The following NRXN1 variants were observed in gnomAD, a reference collection of about 807,000 sequenced individuals.
The protein encoded by NRXN1 is neurexin-1.
NRXN1 carries 39 observed loss-of-function variants against 150.9 expected under a neutral mutation model. The ratio of observed to expected loss-of-function variants is 0.26; its 90% CI spans 0.20 to 0.34. The LOEUF is 0.34. Ranked by LOEUF, NRXN1 falls within the 10% of genes least tolerant of loss-of-function variation. The pLI is 1.00. For missense variants in NRXN1, 1,815 were observed against 1,949.9 expected (o/e 0.93, Z 1.30); for synonymous variants, 924 against 757.0 (o/e 1.22, Z -3.62).
chr2:50,400,881 T>C (rs2082347513), intron 17 of NRXN1, among the ~76,000 whole-genome samples: 2 of 152,280 alleles, frequency 1.3e-5, no homozygotes, highest in African/African-American at 4.8e-5. Context: ...GGGCATGTTG[T>C]GATGATATTT....
intron 17 of NRXN1, among the ~76,000 whole-genome samples, chr2:50,444,398 C>T (rs1326873125): frequency 6.6e-6 from 1 of 152,126 alleles, no homozygotes; most frequent in African/African-American, 2.4e-5. Flanking sequence ...CAGTAAATTA[C>T]AGCACCCACA....
intron 5 of NRXN1, among the ~76,000 whole-genome samples, chr2:50,746,361 C>T (rs1301650841): frequency 6.6e-6 from 1 of 151,968 alleles, no homozygotes; most frequent in Non-Finnish European, 1.5e-5. Flanking sequence ...AGTTTGAGAC[C>T]AGCCTGGGCA....
chr2:50,149,218 T>C (rs2152769826), intron 18 of NRXN1, among the ~76,000 whole-genome samples: 1 of 151,782 alleles, frequency 6.6e-6, no homozygotes, highest in Non-Finnish European at 1.5e-5. Flanking sequence ...CTTTATGGAA[T>C]CCATTTTATA....
chr2:50,448,360 T>G (rs2086646680), intron 17 of NRXN1, among the ~76,000 whole-genome samples: 1 of 152,006 alleles, frequency 6.6e-6, no homozygotes, highest in Non-Finnish European at 1.5e-5. Flanking sequence ...CAAACCTGAC[T>G]CCATTGTATT....
chr2:50,022,473 C>G (rs748789937), intron 21 of NRXN1, among the ~76,000 whole-genome samples: 1 of 152,250 alleles, frequency 6.6e-6, no homozygotes. Context: ...AATCAAGAAT[C>G]TTTTCTTCCC....
chr2:50,623,981 G>A (rs1222408444), intron 5 of NRXN1, among the ~76,000 whole-genome samples: 1 of 151,706 alleles, frequency 6.6e-6, no homozygotes, highest in East Asian at 1.9e-4. Context: ...TCCCCTTCCT[G>A]TGTTCATGTG....
At chr2:50,408,657 G>A (rs369158487) in intron 17 of NRXN1, among the ~76,000 whole-genome samples, 6 of 152,226 alleles carry the variant, frequency 3.9e-5, no homozygotes, top group Admixed American at 3.3e-4. Flanking sequence ...TTGTGTGTAT[G>A]TGTGTGTGTA....
intron 21 of NRXN1, among the ~76,000 whole-genome samples, chr2:49,980,746 T>C (rs577937346): frequency 6.6e-6 from 1 of 152,228 alleles, no homozygotes; most frequent in East Asian, 1.9e-4. Flanking sequence ...TTAGAAACCA[T>C]GAATGTGCAG....
chr2:50,793,898 G>C (rs1300728669), intron 5 of NRXN1, among the ~76,000 whole-genome samples: 2 of 152,022 alleles, frequency 1.3e-5, no homozygotes, highest in Admixed American at 1.3e-4. Flanking sequence ...ATTTCAATGA[G>C]AGACAGCAAT....
intron 17 of NRXN1, among the ~76,000 whole-genome samples, chr2:50,259,731 C>T (rs987095388): frequency 7.9e-5 from 12 of 151,780 alleles, no homozygotes; most frequent in African/African-American, 1.7e-4. Flanking sequence ...CAGTGTTCCC[C>T]TTTTTTCCAA....
chr2:51,027,979 C>T lies in NRXN1; in HGVS notation c.295G>A (p.Glu99Lys), dbSNP rs779511888. Residue 99 changes from glutamate (E) to lysine (K), a missense_variant, in exon 2 of 23, where the codon GAG (glutamate) becomes AAG (lysine). Coordinates refer to ENST00000401669, the MANE Select transcript of NRXN1 (RefSeq NM_001330078.2). ...GTGTCGGCCAGGAGCGTCGCAGGCT[C>T]AGCGCAGAAGATGGAGAAGCTGAGC... ...LQLSFSIFCA[E>K]PATLLADTPV... The T allele has an allele frequency of 6.9e-6, 11 of 1,601,684 alleles. No individual in the cohort carries two copies. Among genetic ancestry groups the T allele is most frequent in the Non-Finnish European group, 9.3e-6 (11 of 1,179,376 alleles).
At chr2:50,356,313 T>C (rs1158219453) in intron 17 of NRXN1, among the ~76,000 whole-genome samples, 1 of 152,192 alleles carries the variant, frequency 6.6e-6, no homozygotes, top group Non-Finnish European at 1.5e-5. Flanking sequence ...TCAATTCAAA[T>C]TGCACAATTA....
chr2:50,320,547 C>G (rs2075964233), intron 17 of NRXN1, among the ~76,000 whole-genome samples: 1 of 151,536 alleles, frequency 6.6e-6, no homozygotes, highest in Non-Finnish European at 1.5e-5. Context: ...AAGTTCAAAG[C>G]ACAGACAAAT....
intron 5 of NRXN1, chr2:50,898,581 C>T (rs147260296): frequency 1.8e-5 from 9 of 487,516 alleles, no homozygotes; most frequent in African/African-American, 1.8e-4. Context: ...GGATATTGTG[C>T]TCTTCCTAGG....
chr2:50,928,042 T>C (rs912713710), intron 2 of NRXN1, among the ~76,000 whole-genome samples: 3 of 151,972 alleles, frequency 2.0e-5, no homozygotes, highest in Non-Finnish European at 4.4e-5. Context: ...AGCCTAGGTT[T>C]TGCCATGGAT....
intron 5 of NRXN1, among the ~76,000 whole-genome samples, chr2:50,745,121 G>C (rs1254086263): frequency 2.0e-5 from 3 of 151,984 alleles, no homozygotes; most frequent in Non-Finnish European, 4.4e-5. Context: ...TTCCTAGCTA[G>C]GCAACCTTGG....
chr2:50,942,803 T>C (rs1459599864), intron 2 of NRXN1, among the ~76,000 whole-genome samples: 1 of 152,140 alleles, frequency 6.6e-6, no homozygotes, highest in Non-Finnish European at 1.5e-5. Flanking sequence ...ACTTGGACTT[T>C]TGAGTTAATG....
intron 5 of NRXN1, among the ~76,000 whole-genome samples, chr2:50,876,458 T>C (rs956101154): frequency 1.3e-5 from 2 of 151,844 alleles, no homozygotes; most frequent in Non-Finnish European, 2.9e-5. Context: ...TTACTATATA[T>C]TTCCCACTGT....
At chr2:50,040,775 T>C (rs17495345) in intron 21 of NRXN1, among the ~76,000 whole-genome samples, 11,672 of 152,232 alleles carry the variant, frequency 0.077, 586 homozygotes, top group Non-Finnish European at 0.12. Flanking sequence ...GTTTCAGGAA[T>C]AGTTTTAAAA....
Sources: gnomAD v4.1 joint callset for allele counts (sites outside exome capture counted in the v4.1 genomes callset) on GRCh38, gnomAD v4.1.1 for gene constraint, MANE v1.5 for transcripts, NCBI Gene and HGNC (gene_info 2026-07-23, HGNC 2026-07-21) for gene names.